RECK: variants seen among roughly 807,000 people sequenced by gnomAD.
The protein encoded by RECK is reversion-inducing cysteine-rich protein with Kazal motifs.
A neutral mutation model predicts 115.1 loss-of-function variants in RECK; 69 were observed. The ratio of observed to expected loss-of-function variants is 0.60; its 90% CI spans 0.49 to 0.73. The LOEUF is 0.73. Among genes scored for constraint, RECK ranks in the 30% least tolerant of loss-of-function variants. The pLI, the probability that RECK is intolerant of heterozygous loss-of-function variation, is 0.00. For missense variants in RECK, 1,047 were observed against 1,203.7 expected (o/e 0.87, Z 1.93); for synonymous variants, 414 against 419.7 (o/e 0.99, Z 0.17).
chr9:36,066,161 G>A (rs930591577), intron 6 of RECK, among the ~76,000 whole-genome samples: 2 of 152,116 alleles, frequency 1.3e-5, no homozygotes, highest in Non-Finnish European at 2.9e-5. Flanking sequence ...TCTAACACTG[G>A]TATCTAGATG....
At chr9:36,043,038 T>TTTTTTTTTTTG (rs1351361271) in intron 1 of RECK, among the ~76,000 whole-genome samples, 1 of 131,016 alleles carries the variant, frequency 7.6e-6, no homozygotes, top group African/African-American at 3.0e-5. Context: ...TTTTTTTTTT[T>TTTTTTTTTTTG]TTGTTGAGAC....
rs1402142935 is a variant in RECK at position 36,104,312 on chromosome 9, ATATATATATATATATTTTTTTTTTTTTT to A, written c.1436-829_1436-802del. Among the ~76,000 whole-genome samples the A allele has an allele frequency of 1.3e-3, 87 of 66,082 alleles. 3 individuals carry two copies. The Middle Eastern group carries it at 0.021, about 16-fold the overall frequency. The allele number at this position is 66,082 out of a possible 152,430, so 43.4% of individuals were successfully genotyped here. A position where few individuals can be genotyped will look rare whatever the true frequency, so the allele number is the denominator to read the frequency against. ...TGTGTGTATATATATATATATATAT[ATATATATATATATATTTTTTTTTTTTTT>A]TTTTTTTTTTTTTTTTTTTTTTTGA... On this transcript the variant is annotated intron_variant, in intron 12 of 20. Coordinates refer to ENST00000377966, the MANE Select transcript of RECK (RefSeq NM_021111.3).
intron 8 of RECK, among the ~76,000 whole-genome samples, chr9:36,086,399 T>G (rs1417855669): frequency 6.6e-6 from 1 of 152,006 alleles, no homozygotes; most frequent in Non-Finnish European, 1.5e-5. Context: ...TCCAGAGTTG[T>G]TTGTTCCTCC....
chr9:36,104,204 CCT>C (rs1429073296), intron 12 of RECK, among the ~76,000 whole-genome samples: 16 of 146,170 alleles, frequency 1.1e-4, no homozygotes, highest in Admixed American at 5.5e-4. Context: ...TTTTTTATCC[CCT>C]GACACTACTT....
chr9:36,106,689 A>T (rs956807297), intron 13 of RECK, among the ~76,000 whole-genome samples: 1 of 152,176 alleles, frequency 6.6e-6, no homozygotes, highest in Non-Finnish European at 1.5e-5. Flanking sequence ...TTAAATTTCA[A>T]GATAGTATTT....
At chr9:36,096,409 C>T (rs1588322952) in intron 10 of RECK, among the ~76,000 whole-genome samples, 2 of 151,318 alleles carry the variant, frequency 1.3e-5, no homozygotes, top group Non-Finnish European at 2.9e-5. Context: ...TGGTGTCGGG[C>T]ACCTGTAATC....
chr9:36,046,324 C>T (rs2132553606), intron 1 of RECK, among the ~76,000 whole-genome samples: 1 of 152,256 alleles, frequency 6.6e-6, no homozygotes, highest in Admixed American at 6.5e-5. Flanking sequence ...AAGATAAAGA[C>T]CCTTAAATGC....
intron 18 of RECK, 21 bp downstream of exon 18, chr9:36,118,988 T>C (rs952786659): frequency 6.2e-7 from 1 of 1,607,526 alleles, no homozygotes; most frequent in African/African-American, 1.3e-5. Context: ...AGTATCGGGG[T>C]GGACAGGGGA....
At chr9:36,122,405 GA>G in intron 20 of RECK, among the ~76,000 whole-genome samples, 1 of 152,326 alleles carries the variant, frequency 6.6e-6, no homozygotes, top group East Asian at 1.9e-4. Flanking sequence ...GTGGAAAAAT[GA>G]AAACAGTTGA....
At position 36,094,692 on chromosome 9, in the gene RECK, A is replaced by G. The variant is rs1420587912; in HGVS notation, c.1085+3349A>G. ...ACAAAGACTATTATTGGAGATAAAGAGTATCACCTTATAATGATCAAAGTT... is the reference window on the plus strand; with the variant it reads ...ACAAAGACTATTATTGGAGATAAAGGGTATCACCTTATAATGATCAAAGTT... On this transcript the variant is annotated intron_variant, in intron 10 of 20. Coordinates refer to ENST00000377966, the MANE Select transcript of RECK (RefSeq NM_021111.3). The surrounding 1 kb of genome is among the most constrained non-coding windows in gnomAD (Gnocchi z 4.1). Among the ~76,000 whole-genome samples, 2 of 152,210 alleles carry G rather than the reference A, an allele frequency of 1.3e-5. No homozygotes were observed. Among genetic ancestry groups the G allele is most frequent in the Non-Finnish European group, 2.9e-5 (2 of 68,024 alleles).
chr9:36,056,238 C>A (rs575447085), intron 2 of RECK, among the ~76,000 whole-genome samples: 5 of 131,064 alleles, frequency 3.8e-5, no homozygotes, highest in East Asian at 4.2e-4. Context: ...AATGATATGT[C>A]ATTTAAAAAA....
intron 8 of RECK, among the ~76,000 whole-genome samples, 180 bp downstream of exon 8, chr9:36,083,742 T>C (rs1037438971): frequency 6.6e-6 from 1 of 152,092 alleles, no homozygotes. Flanking sequence ...CCAAGAAAGA[T>C]GAAACTGTAG....
chr9:36,099,939 G>A (rs1823499494), intron 10 of RECK, among the ~76,000 whole-genome samples: 1 of 152,190 alleles, frequency 6.6e-6, no homozygotes, highest in Admixed American at 6.5e-5. Context: ...GCTTATGGAT[G>A]TACATATTTG....
chr9:36,037,021 T>C lies in RECK; in HGVS notation c.23T>C (p.Leu8Pro), dbSNP rs557893747. MATVRAS[L>P]RGALLLLLAV... ...GACATGGCGACCGTCCGGGCCTCTCTGCGAGGTGCGCTGCTCCTTCTGCTG... is the reference window on the plus strand; with the variant it reads ...GACATGGCGACCGTCCGGGCCTCTCCGCGAGGTGCGCTGCTCCTTCTGCTG... Residue 8 changes from leucine (L) to proline (P), a missense_variant, in exon 1 of 21, where the codon CTG (leucine) becomes CCG (proline). Physicochemically the swap from Leu to Pro is moderately conservative, Grantham distance 98 (BLOSUM62 -3). Coordinates refer to ENST00000377966, the MANE Select transcript of RECK (RefSeq NM_021111.3). 482 of 1,431,030 alleles carry C rather than the reference T, an allele frequency of 3.4e-4. No homozygotes were observed. The highest frequency in any genetic ancestry group is 2.3e-3 in the African/African-American group (157 of 67,132). 88.6% of individuals were successfully genotyped at this position (1,431,030 alleles called of 1,614,324 possible).
chr9:36,077,378 G>A (rs1377335878), intron 6 of RECK, among the ~76,000 whole-genome samples: 1 of 152,146 alleles, frequency 6.6e-6, no homozygotes, highest in African/African-American at 2.4e-5. Context: ...CTCATTATGT[G>A]TATGTCCTAA....
At chr9:36,081,244 CAA>C (rs2132621096) in intron 7 of RECK, among the ~76,000 whole-genome samples, 1 of 152,220 alleles carries the variant, frequency 6.6e-6, no homozygotes, top group East Asian at 1.9e-4. Flanking sequence ...ATGTAAGGAA[CAA>C]AGAGTTCTTT....
At chr9:36,103,504 T>C (rs536316039) in intron 12 of RECK, among the ~76,000 whole-genome samples, 1 of 152,280 alleles carries the variant, frequency 6.6e-6, no homozygotes, top group East Asian at 1.9e-4. Context: ...AAACAACTTC[T>C]CCCTAGTCAC....
At chr9:36,051,683 C>T (rs540047667) in intron 1 of RECK, among the ~76,000 whole-genome samples, 3 of 152,234 alleles carry the variant, frequency 2.0e-5, no homozygotes, top group African/African-American at 7.2e-5. Context: ...GAATCTGATG[C>T]TATGTTCTCT....
intron 6 of RECK, among the ~76,000 whole-genome samples, chr9:36,073,221 G>GACACACACACACACACACAC (rs1320843934): frequency 1.5e-5 from 2 of 134,254 alleles, no homozygotes; most frequent in Non-Finnish European, 1.6e-5. Context: ...GCAACACACA[G>GACACACACACACACACACAC]ACACACACAG....
Sources: allele counts gnomAD v4.1 joint callset (sites outside exome capture counted in the v4.1 genomes callset), GRCh38; gene constraint gnomAD v4.1.1; non-coding constraint Gnocchi (gnomAD v3.1); transcripts MANE v1.5; gene names NCBI Gene and HGNC (gene_info 2026-07-23, HGNC 2026-07-21).